Variants in ATG7 observed in about 807,000 individuals in gnomAD.
The protein encoded by ATG7 is ubiquitin-like modifier-activating enzyme ATG7.
ATG7 carries 70 observed loss-of-function variants against 82.4 expected under a neutral mutation model. That is an observed-to-expected ratio of 0.85 (90% confidence interval 0.70 to 1.04). The LOEUF (loss-of-function observed/expected upper bound fraction) is 1.04. Among genes scored for constraint, ATG7 ranks in the 50% least tolerant of loss-of-function variants. The pLI, the probability that ATG7 is intolerant of heterozygous loss-of-function variation, is 0.00. For missense variants in ATG7, 792 were observed against 864.3 expected, an observed-to-expected ratio of 0.92 and a Z score of 1.05; for synonymous variants, 287 against 313.0, an observed-to-expected ratio of 0.92 and a Z score of 0.88.
chr3:11,406,388 C>G (rs2080340004), intron 19 of ATG7, among the ~76,000 whole-genome samples: 1 of 152,102 alleles, frequency 6.6e-6, no homozygotes, highest in Non-Finnish European at 1.5e-5. Context: ...ACTGAAGCCT[C>G]CAATTCCTGG....
At position 11,360,674 on chromosome 3, in the gene ATG7, C is replaced by T; in HGVS notation, c.1573C>T (p.Pro525Ser). 1 of 1,614,156 alleles carries T rather than the reference C, an allele frequency of 6.2e-7. No homozygotes were observed. The highest frequency in any genetic ancestry group is 8.5e-7 in the Non-Finnish European group (1 of 1,180,016). The change falls in exon 16 of 21, where the codon CCA (proline) becomes TCA (serine). Residue 525 changes from proline to serine, a missense_variant. Transcript: ENST00000693202. ...PKQQGAGDLC[P>S]NHPVASADLL... ...GCAGCAAGGAGCTGGGGACTTGTGT[C>T]CAAACCACCCTGTGGCATCTGCTGA...
intron 18 of ATG7, among the ~76,000 whole-genome samples, chr3:11,375,725 A>G (rs1016339133): frequency 2.6e-5 from 4 of 152,180 alleles, no homozygotes; most frequent in African/African-American, 9.7e-5. Context: ...ACACCTGGCT[A>G]ATTTTTATAT....
At chr3:11,357,958 A>T (rs765439075) in intron 14 of ATG7, among the ~76,000 whole-genome samples, 2 of 150,750 alleles carry the variant, frequency 1.3e-5, no homozygotes, top group Admixed American at 6.6e-5. Context: ...TCCGTGAGCT[A>T]TGATTGTGCT....
chr3:11,391,659 G>T (rs1322953885), intron 19 of ATG7, among the ~76,000 whole-genome samples: 1 of 152,132 alleles, frequency 6.6e-6, no homozygotes, highest in African/African-American at 2.4e-5. Flanking sequence ...GCTATAAATG[G>T]GTTGGAAGCC....
intron 9 of ATG7, among the ~76,000 whole-genome samples, chr3:11,328,758 C>T (rs1177096392): frequency 6.6e-6 from 1 of 152,200 alleles, no homozygotes; most frequent in East Asian, 1.9e-4. Context: ...CATTTACTAG[C>T]ATAGAAGACA....
intron 20 of ATG7, among the ~76,000 whole-genome samples, chr3:11,501,842 A>G (rs1376799741): frequency 6.6e-6 from 1 of 152,090 alleles, no homozygotes; most frequent in Non-Finnish European, 1.5e-5. Flanking sequence ...GGTGTGCGCC[A>G]CCACATCCGG....
intron 20 of ATG7, among the ~76,000 whole-genome samples, chr3:11,489,094 C>G (rs574913917): frequency 6.6e-6 from 1 of 152,284 alleles, no homozygotes; most frequent in South Asian, 2.1e-4. Flanking sequence ...TGTTATTGGT[C>G]TATTCAGAAA....
chr3:11,465,458 A>AT lies in ATG7; in HGVS notation c.2079+38532_2079+38533insT, dbSNP rs1237631040. Among the ~76,000 whole-genome samples, 9 of 150,812 alleles carry AT rather than the reference A, an allele frequency of 6.0e-5. No homozygotes were observed. The East Asian group carries it at 1.8e-3, about 29-fold the overall frequency. The stretch of plus-strand genomic sequence containing the variant: ...AGACTCTGTCTCAAAAAAAAAAAAA[A>AT]ATGAGCCTGTAAGTCTGGGTGCACA... On this transcript the variant is annotated intron_variant, in intron 20 of 20. Transcript: ENST00000693202.
intron 19 of ATG7, among the ~76,000 whole-genome samples, chr3:11,418,001 G>A (rs182026563): frequency 1.2e-3 from 175 of 150,660 alleles, no homozygotes; most frequent in African/African-American, 4.0e-3. Context: ...TAGTAGAGAC[G>A]GGGGTTTCAC....
rs541563706 is a variant in ATG7 at position 11,381,198 on chromosome 3, A to C, written c.1956+1146A>C. On this transcript the variant is annotated intron_variant, in intron 19 of 20. Transcript: ENST00000693202. ...GCCCATTCTTTCTGTAGTTTCCTTT[A>C]AGATATATCTGCTCAAGCCAGGACC... 2.6e-5 allele frequency among the ~76,000 whole-genome samples: 4 copies of C among 152,296 alleles called. No individual in the cohort carries two copies. In the South Asian group the frequency reaches 8.3e-4, roughly 32 times the overall value.
At chr3:11,424,135 G>A (rs189755881) in intron 19 of ATG7, among the ~76,000 whole-genome samples, 1 of 152,166 alleles carries the variant, frequency 6.6e-6, no homozygotes, top group East Asian at 1.9e-4. Flanking sequence ...CTGCAGCTTT[G>A]CTCAACCTTC....
At chr3:11,495,555 G>A (rs965674618) in intron 20 of ATG7, among the ~76,000 whole-genome samples, 1 of 152,190 alleles carries the variant, frequency 6.6e-6, no homozygotes, top group Non-Finnish European at 1.5e-5. Flanking sequence ...CTCCAGAAGG[G>A]TGCAGGCAGT....
chr3:11,396,952 A>T (rs946284541), intron 19 of ATG7, among the ~76,000 whole-genome samples: 5 of 152,172 alleles, frequency 3.3e-5, no homozygotes, highest in African/African-American at 1.2e-4. Flanking sequence ...TAGACTAAAC[A>T]GTAAACAAAT....
intron 11 of ATG7, among the ~76,000 whole-genome samples, chr3:11,333,908 C>A (rs1952006905): frequency 1.3e-5 from 2 of 151,882 alleles, no homozygotes; most frequent in Non-Finnish European, 1.5e-5. Flanking sequence ...CTACCACGCC[C>A]GGATAATTTT....
chr3:11,464,615 T>A (rs571337825), intron 20 of ATG7, among the ~76,000 whole-genome samples: 1 of 152,346 alleles, frequency 6.6e-6, no homozygotes, highest in East Asian at 1.9e-4. Flanking sequence ...GATGGACTTG[T>A]TGTTTTAATT....
At position 11,340,832 on chromosome 3, in the gene ATG7, A is replaced by AG. The variant is rs1953447006; in HGVS notation, c.980+102dup. On this transcript the variant is annotated intron_variant, in intron 12 of 20. Transcript: ENST00000693202. ...AACACAACATTGTGTAATTCAGCCCAGGGGGTGCCAGTCATGCTGCCGTGT... is the reference window on the plus strand; with the variant it reads ...AACACAACATTGTGTAATTCAGCCCAGGGGGGTGCCAGTCATGCTGCCGTGT... 4.7e-6 allele frequency: 5 copies of AG among 1,062,048 alleles called. No individual in the cohort carries two copies. The Admixed American group carries it at 6.7e-5, about 14-fold the overall frequency. The allele number at this position is 1,062,048 out of a possible 1,614,324, so 65.8% of individuals were successfully genotyped here. A position where few individuals can be genotyped will look rare whatever the true frequency, so the allele number is the denominator to read the frequency against.
At chr3:11,295,093 C>T (rs902603896) in intron 3 of ATG7, among the ~76,000 whole-genome samples, 5 of 152,110 alleles carry the variant, frequency 3.3e-5, no homozygotes, top group African/African-American at 9.7e-5. Context: ...GCCTCGGCAA[C>T]AGAGCAAGAC....
intron 8 of ATG7, 104 bp downstream of exon 8, chr3:11,313,524 T>G: frequency 1.3e-6 from 1 of 762,126 alleles, no homozygotes; most frequent in Non-Finnish European, 2.1e-6. Context: ...GATGAAGACG[T>G]GGTAACTGAA....
At chr3:11,423,216 C>T (rs369615779) in intron 19 of ATG7, among the ~76,000 whole-genome samples, 9 of 152,238 alleles carry the variant, frequency 5.9e-5, no homozygotes, top group East Asian at 3.9e-4. Flanking sequence ...GTTGGTGAAT[C>T]GGTCAGAACA....
Sources: allele counts gnomAD v4.1 joint callset (sites outside exome capture counted in the v4.1 genomes callset), GRCh38; gene constraint gnomAD v4.1.1; transcripts MANE v1.5; gene names NCBI Gene and HGNC (gene_info 2026-07-23, HGNC 2026-07-21).